Variants in CIT observed in about 807,000 individuals in gnomAD.
CIT encodes citron Rho-interacting kinase.
Under a neutral mutation model 272.7 loss-of-function variants are expected in CIT, and 79 were observed. That is an observed-to-expected ratio of 0.29 (90% confidence interval 0.24 to 0.35). CIT has a LOEUF of 0.35. Among genes scored for constraint, CIT ranks in the 10% least tolerant of loss-of-function variants. CIT has a pLI of 1.00. For synonymous variants in CIT, 948 were observed against 995.6 expected (o/e 0.95, Z 0.90); for missense variants, 1,909 against 2,618.3 (o/e 0.73, Z 5.91).
At chr12:119,797,471 T>C (rs936955103) in intron 10 of CIT, among the ~76,000 whole-genome samples, 2 of 152,126 alleles carry the variant, frequency 1.3e-5, no homozygotes, top group Non-Finnish European at 2.9e-5. Flanking sequence ...CACAGGCAAA[T>C]GTTAAACATC....
In CIT at chr12:119,694,166, C is replaced by A. The variant is rs998402122; in HGVS notation, c.5882+3493G>T. ...CTGGTGGGATGGCAAATGGGAGAAG[C>A]CTTCAGGGCAGAAAACTCCACACTG... On this transcript the variant is annotated intron_variant, in intron 46 of 47. Transcript: ENST00000392521. The surrounding 1 kb of genome is among the most constrained non-coding windows in gnomAD (Gnocchi z 4.5). Among the ~76,000 whole-genome samples the A allele has an allele frequency of 1.3e-5, 2 of 152,182 alleles. No homozygotes were observed. Among genetic ancestry groups the A allele is most frequent in the Non-Finnish European group, 2.9e-5 (2 of 68,044 alleles).
At chr12:119,692,884 A>G (rs529335266) in intron 46 of CIT, among the ~76,000 whole-genome samples, 1 of 152,346 alleles carries the variant, frequency 6.6e-6, no homozygotes, top group African/African-American at 2.4e-5. Flanking sequence ...CAGCAGTAAG[A>G]TTTAAGATAA....
In CIT at chr12:119,775,828, C is replaced by G; in HGVS notation, c.1899G>C (p.Glu633Asp). Residue 633 changes from glutamate to aspartate, a missense_variant, in exon 16 of 48, where the codon GAG becomes GAC. Glu to Asp is a conservative substitution (Grantham distance 45). Coordinates refer to ENST00000392521, the MANE Select transcript of CIT (RefSeq NM_001206999.2). ...GGAGCTCCTGAATTTTGAGCTGCTG[C>G]TCAGCATTGATCTATAATTAAAATC... ...EYAKLEKINA[E>D]QQLKIQELQE... 1 of 1,613,544 alleles carries G rather than the reference C, an allele frequency of 6.2e-7. No individual in the cohort carries two copies. The highest frequency in any genetic ancestry group is 1.1e-5 in the South Asian group (1 of 91,008).
Position 119,770,705 on chromosome 12 carries a change from T to G in CIT, c.2208+80A>C, listed in dbSNP as rs1044565152. ...GGAGATACCTCCCTTATTGTGGCGG[T>G]TAATTCTTCTTCTTACCCCCTTCCC... On this transcript the variant is annotated intron_variant, in intron 18 of 47. Transcript: ENST00000392521. This position sits in a 1 kb window ranked among gnomAD's most constrained non-coding sequence, Gnocchi z 4.4. 13 of 1,532,480 alleles carry G rather than the reference T, an allele frequency of 8.5e-6. No individual in the cohort carries two copies. In the African/African-American group the frequency reaches 1.2e-4, roughly 14 times the overall value. The allele number at this position is 1,532,480 out of a possible 1,614,324, so 94.9% of individuals were successfully genotyped here.
intron 7 of CIT, among the ~76,000 whole-genome samples, chr12:119,831,841 GC>G (rs1269009557): frequency 1.3e-5 from 2 of 152,182 alleles, no homozygotes; most frequent in Non-Finnish European, 2.9e-5. Context: ...CTGCACTCCA[GC>G]CTGGGGGACA....
intron 46 of CIT, among the ~76,000 whole-genome samples, chr12:119,695,062 T>C (rs1370826370): frequency 3.3e-5 from 5 of 152,126 alleles, no homozygotes; most frequent in African/African-American, 7.2e-5. Flanking sequence ...AGCAAGTTCC[T>C]GGGATCAAAA....
At chr12:119,738,710 C>A (rs1565966817) in intron 24 of CIT, among the ~76,000 whole-genome samples, 1 of 151,976 alleles carries the variant, frequency 6.6e-6, no homozygotes, top group Non-Finnish European at 1.5e-5. Flanking sequence ...ATGGAGAAAT[C>A]CCGTCTCTAC....
intron 5 of CIT, among the ~76,000 whole-genome samples, chr12:119,839,023 C>T (rs1364233315): frequency 6.6e-6 from 1 of 152,210 alleles, no homozygotes; most frequent in Non-Finnish European, 1.5e-5. Context: ...AATGGACTTG[C>T]TCTTTTAAAG....
chr12:119,828,864 G>A (rs760432153), intron 7 of CIT, among the ~76,000 whole-genome samples: 8 of 152,012 alleles, frequency 5.3e-5, no homozygotes, highest in Non-Finnish European at 5.9e-5. Context: ...CACCACTCCT[G>A]GCCAACTTAG....
At chr12:119,837,699 C>T (rs938293295) in intron 5 of CIT, among the ~76,000 whole-genome samples, 18 of 152,136 alleles carry the variant, frequency 1.2e-4, no homozygotes, top group Non-Finnish European at 1.9e-4. Flanking sequence ...TGGCTTCTAC[C>T]CCAAGACAAC....
Position 119,857,665 on chromosome 12 carries a change from T to G in CIT, c.272A>C (p.Gln91Pro), listed in dbSNP as rs749067973. 1 of 1,614,126 alleles carries G rather than the reference T, an allele frequency of 6.2e-7. No homozygotes were observed. The change falls in exon 4 of 48, where the codon CAG becomes CCG. Residue 91 changes from glutamine to proline, a missense_variant. Physicochemically the swap from Gln to Pro is moderately conservative, Grantham distance 76 (BLOSUM62 -1). This residue lies in a region of CIT where 529 missense variants were observed against 549.6 expected (regional missense o/e 0.96). Transcript: ENST00000392521. ...GACTTCGAAGTCCTTTGCCGAAGGC[T>G]GGAGCTCCTGTAACTCAGCTATGGT... Reference protein sequence around the residue: ...SDTIAELQELQPSAKDFEVRS... With the variant: ...SDTIAELQELPPSAKDFEVRS...
intron 40 of CIT, among the ~76,000 whole-genome samples, chr12:119,707,030 ATTAAC>A (rs1181438411): frequency 3.3e-5 from 5 of 150,502 alleles, no homozygotes; most frequent in African/African-American, 1.0e-4. Context: ...CTACAAATGA[ATTAAC>A]TTGAGTTCTC....
At chr12:119,716,208 T>C (rs111446683) in intron 32 of CIT, among the ~76,000 whole-genome samples, 3,663 of 151,122 alleles carry the variant, frequency 0.024, 149 homozygotes, top group African/African-American at 0.084. Context: ...TGAAACCCTA[T>C]CTCTACTAAA....
chr12:119,842,388 C>CA (rs58634070), intron 5 of CIT, among the ~76,000 whole-genome samples: 28,866 of 71,424 alleles, frequency 0.4, 6,745 homozygotes, highest in Middle Eastern at 0.53. Context: ...GACTGCATCT[C>CA]AAAAAAAAAA....
At chr12:119,811,219 A>G (rs1966845109) in intron 9 of CIT, among the ~76,000 whole-genome samples, 1 of 152,274 alleles carries the variant, frequency 6.6e-6, no homozygotes, top group South Asian at 2.1e-4. Context: ...TGGGAGGATC[A>G]TCGGAGTCTG....
At position 119,688,143 on chromosome 12, in the gene CIT, G is replaced by A; in HGVS notation, c.*89C>T. 1 of 1,432,960 alleles carries A rather than the reference G, an allele frequency of 7.0e-7. No homozygotes were observed. Among genetic ancestry groups the A allele is most frequent in the Non-Finnish European group, 9.8e-7 (1 of 1,015,424 alleles). The allele number at this position is 1,432,960 out of a possible 1,614,324, so 88.8% of individuals were successfully genotyped here. A position where few individuals can be genotyped will look rare whatever the true frequency, so the allele number is the denominator to read the frequency against. ...GAGCCAGAGGGTGGCTGAGCACGTG[G>A]GCGCTTGGGTCCCCATCAGCAGAGT... On this transcript the variant is annotated 3_prime_UTR_variant, in exon 48 of 48. Coordinates refer to ENST00000392521, the MANE Select transcript of CIT (RefSeq NM_001206999.2).
intron 39 of CIT, among the ~76,000 whole-genome samples, chr12:119,709,787 A>AGAGAGAGAGTGTGTGT (rs1319008959): frequency 9.3e-6 from 1 of 107,636 alleles, no homozygotes; most frequent in African/African-American, 3.5e-5. Context: ...AGAGAGAGAG[A>AGAGAGAGAGTGTGTGT]GTGTGTGTGT....
rs1381419214 is a variant in CIT, at chr12:119,820,144, G to A, written c.1111+2676C>T. 2.6e-5 allele frequency among the ~76,000 whole-genome samples: 4 copies of A among 152,132 alleles called. No individual in the cohort carries two copies. The East Asian group carries it at 7.7e-4, about 29-fold the overall frequency. Reference sequence around the variant, plus strand: ...CTGAAACAGAAAAGGGACATGAGTGGGAGAATTGGTAAAATCCAAAAAAAG... The same window carrying A: ...CTGAAACAGAAAAGGGACATGAGTGAGAGAATTGGTAAAATCCAAAAAAAG... On this transcript the variant is annotated intron_variant, in intron 9 of 47. Transcript: ENST00000392521.
At chr12:119,717,419 CTTTTTT>C (rs60611060) in intron 32 of CIT, among the ~76,000 whole-genome samples, 1 of 54,232 alleles carries the variant, frequency 1.8e-5, no homozygotes, top group Non-Finnish European at 4.1e-5. Context: ...CTTTTCTTTT[CTTTTTT>C]TTTTTTTTTT....
Sources: gnomAD v4.1 joint callset for allele counts (sites outside exome capture counted in the v4.1 genomes callset) on GRCh38, gnomAD v4.1.1 for gene constraint, gnomAD v4.1.1 regional missense constraint, Gnocchi (gnomAD v3.1) non-coding constraint, MANE v1.5 for transcripts, NCBI Gene and HGNC (gene_info 2026-07-23, HGNC 2026-07-21) for gene names.